Variants in MARCHF11 observed in about 807,000 individuals in gnomAD.
MARCHF11 encodes the protein E3 ubiquitin-protein ligase MARCHF11.
In MARCHF11, 29 loss-of-function variants were observed where a neutral mutation model predicts 37.3. The observed-to-expected ratio is 0.78, with a 90% confidence interval of 0.58 to 1.06. The LOEUF is 1.06. Ranked by LOEUF, MARCHF11 falls within the 50% of genes least tolerant of loss-of-function variation. The pLI, the probability that MARCHF11 is intolerant of heterozygous loss-of-function variation, is 0.00. For missense variants in MARCHF11, 482 were observed against 533.4 expected, an observed-to-expected ratio of 0.90 and a Z score of 0.95; for synonymous variants, 233 against 228.0, an observed-to-expected ratio of 1.02 and a Z score of -0.20.
intron 2 of MARCHF11, among the ~76,000 whole-genome samples, chr5:16,161,718 G>C (rs577563757): frequency 6.6e-6 from 1 of 151,842 alleles, no homozygotes; most frequent in Non-Finnish European, 1.5e-5. Flanking sequence ...GTAGCTCCAG[G>C]AGCAACATAA....
chr5:16,083,849 C>T (rs1290370477), intron 3 of MARCHF11, among the ~76,000 whole-genome samples: 1 of 152,162 alleles, frequency 6.6e-6, no homozygotes, highest in Non-Finnish European at 1.5e-5. Flanking sequence ...AGAAAGCAAA[C>T]TACAAGGAGG....
intron 2 of MARCHF11, among the ~76,000 whole-genome samples, chr5:16,119,065 A>G (rs1158054701): frequency 6.6e-6 from 1 of 152,168 alleles, no homozygotes. Context: ...GAGACACTTA[A>G]GAGTCAAGGA....
At chr5:16,128,441 GAGC>G (rs1737456617) in intron 2 of MARCHF11, among the ~76,000 whole-genome samples, 1 of 152,094 alleles carries the variant, frequency 6.6e-6, no homozygotes, top group African/African-American at 2.4e-5. Context: ...AGTTGCTGAG[GAGC>G]TATCAACTGC....
chr5:16,080,574 C>T (rs1736591212), intron 3 of MARCHF11, among the ~76,000 whole-genome samples: 1 of 152,132 alleles, frequency 6.6e-6, no homozygotes, highest in East Asian at 1.9e-4. Context: ...CCTTTCTCTC[C>T]CTTAGCCCTC....
rs1433766447 is a variant in MARCHF11 at position 16,179,596 on chromosome 5, C to A, written c.-21G>T. 20 of 1,173,516 alleles carry A rather than the reference C, an allele frequency of 1.7e-5. No homozygotes were observed. The Middle Eastern group carries it at 2.1e-3, about 121-fold the overall frequency. 72.7% of individuals were successfully genotyped at this position (1,173,516 alleles called of 1,614,324 possible). ...CTCATGGTTGTGCCGCCGCCGCCCT[C>A]CTGCCGGCCCGGCTGGCGGGCCGGG... is the stretch of plus-strand genomic sequence containing the variant. On this transcript the variant is annotated 5_prime_UTR_variant, in exon 1 of 4. Transcript: ENST00000332432.
chr5:16,084,370 C>T (rs933815963), intron 3 of MARCHF11, among the ~76,000 whole-genome samples: 2 of 152,148 alleles, frequency 1.3e-5, no homozygotes, highest in East Asian at 3.9e-4. Context: ...AGGCCAGGTG[C>T]GATGGCTCAT....
chr5:16,078,805 C>A (rs1244844987), intron 3 of MARCHF11, among the ~76,000 whole-genome samples: 1 of 152,106 alleles, frequency 6.6e-6, no homozygotes, highest in Non-Finnish European at 1.5e-5. Context: ...CCAAGGAAAG[C>A]CTCCCATTCC....
At position 16,179,532 on chromosome 5, in the gene MARCHF11, G is replaced by A; in HGVS notation, c.44C>T (p.Ala15Val). 1 of 1,180,084 alleles carries A rather than the reference G, an allele frequency of 8.5e-7. No individual in the cohort carries two copies. The highest frequency in any genetic ancestry group is 1.0e-6 in the Non-Finnish European group (1 of 955,108). 73.1% of individuals were successfully genotyped at this position (1,180,084 alleles called of 1,614,324 possible). A position where few individuals can be genotyped will look rare whatever the true frequency, so the allele number is the denominator to read the frequency against. Residue 15 changes from alanine to valine, a missense_variant, in exon 1 of 4, where the codon GCG (alanine) becomes GTG (valine). Coordinates refer to ENST00000332432, the MANE Select transcript of MARCHF11 (RefSeq NM_001102562.3). ...GGGAGGCTCGGCGTCCCCGCTCTCC[G>A]CCCCGCGACACCGACTGCCGCCGTG... ...GGHGGSRCRG[A>V]ESGDAEPPPQ... is the part of the protein sequence containing the mutation.
intron 3 of MARCHF11, among the ~76,000 whole-genome samples, chr5:16,071,625 C>T (rs1736438599): frequency 6.6e-6 from 1 of 152,200 alleles, no homozygotes. Context: ...CACATGCTCA[C>T]ATACTCGTGC....
intron 3 of MARCHF11, among the ~76,000 whole-genome samples, chr5:16,077,761 A>G (rs1283266675): frequency 2.6e-5 from 4 of 152,206 alleles, no homozygotes; most frequent in Non-Finnish European, 4.4e-5. Flanking sequence ...GTGATTCTTT[A>G]CATAGATAAT....
chr5:16,078,325 A>C (rs1560967901), intron 3 of MARCHF11, among the ~76,000 whole-genome samples: 1 of 152,180 alleles, frequency 6.6e-6, no homozygotes, highest in Admixed American at 6.5e-5. Flanking sequence ...ATTAAGTGGG[A>C]AAATCGAGGT....
chr5:16,135,027 CAT>C (rs1354028958), intron 2 of MARCHF11, among the ~76,000 whole-genome samples: 13 of 151,750 alleles, frequency 8.6e-5, no homozygotes, highest in Admixed American at 2.0e-4. Context: ...CACACACACA[CAT>C]GCAAACACGC....
chr5:16,086,860 A>AT (rs1736706243), intron 3 of MARCHF11, among the ~76,000 whole-genome samples: 1 of 152,136 alleles, frequency 6.6e-6, no homozygotes, highest in Non-Finnish European at 1.5e-5. Context: ...ATGGTCTTCT[A>AT]TTTTTTCTCA....
chr5:16,151,649 ATGTGTGTGTG>A lies in MARCHF11; in HGVS notation c.693+26067_693+26076del, dbSNP rs58891017. 3.2e-3 allele frequency among the ~76,000 whole-genome samples: 426 copies of A among 131,486 alleles called. 4 individuals are homozygous for A. The highest frequency in any genetic ancestry group is 0.01 in the African/African-American group (363 of 34,732). 86.3% of individuals were successfully genotyped at this position (131,486 alleles called of 152,430 possible). A position where few individuals can be genotyped will look rare whatever the true frequency, so the allele number is the denominator to read the frequency against. On this transcript the variant is annotated intron_variant, in intron 2 of 3. Coordinates refer to ENST00000332432, the MANE Select transcript of MARCHF11 (RefSeq NM_001102562.3). Reference sequence around the variant, plus strand: ...GTGTGTGTGTGCATGCGTGAGTTGAATGTGTGTGTGTGTGTGTGTGTGTGTGTGTGTGTGT... The same window carrying A: ...GTGTGTGTGTGCATGCGTGAGTTGAATGTGTGTGTGTGTGTGTGTGTGTGT...
At chr5:16,086,950 G>A (rs181096437) in intron 3 of MARCHF11, among the ~76,000 whole-genome samples, 6 of 152,272 alleles carry the variant, frequency 3.9e-5, no homozygotes, top group African/African-American at 1.2e-4. Context: ...TTCTGAGTTT[G>A]CTCATCTTCC....
intron 2 of MARCHF11, among the ~76,000 whole-genome samples, chr5:16,153,547 T>C (rs1408781939): frequency 6.6e-6 from 1 of 152,004 alleles, no homozygotes; most frequent in Non-Finnish European, 1.5e-5. Context: ...GGAATTCTAA[T>C]TATTTTAACA....
rs977374844 is a variant in MARCHF11 at position 16,179,123 on chromosome 5, G to A, written c.453C>T (p.Ser151=). 8.1e-6 allele frequency: 12 copies of A among 1,485,712 alleles called. No individual in the cohort carries two copies. In the Admixed American group the frequency reaches 2.7e-4, roughly 33 times the overall value. 92.0% of individuals were successfully genotyped at this position (1,485,712 alleles called of 1,614,324 possible). A position where few individuals can be genotyped will look rare whatever the true frequency, so the allele number is the denominator to read the frequency against. The part of the protein sequence containing the change: ...TRSVCSSRSS[S]SGGGDQRAGH... ...CAGCGCGCTGGTCGCCGCCGCCACT[G>A]CTGCTGCTGCGGCTGCTGCACACCG... The change falls in exon 1 of 4, where the codon AGC becomes AGT. Residue 151 remains serine, a synonymous_variant. Coordinates refer to ENST00000332432, the MANE Select transcript of MARCHF11 (RefSeq NM_001102562.3).
chr5:16,113,275 G>A (rs552842108), intron 2 of MARCHF11, among the ~76,000 whole-genome samples: 1 of 152,164 alleles, frequency 6.6e-6, no homozygotes, highest in Non-Finnish European at 1.5e-5. Flanking sequence ...CAGCATTGGA[G>A]AGTAGAGGAT....
chr5:16,076,542 C>G (rs1736521288), intron 3 of MARCHF11, among the ~76,000 whole-genome samples: 2 of 152,176 alleles, frequency 1.3e-5, no homozygotes, highest in African/African-American at 2.4e-5. Flanking sequence ...TTCTGTCTCT[C>G]AATTCTTGGA....
Sources: gnomAD v4.1 joint callset for allele counts (sites outside exome capture counted in the v4.1 genomes callset) on GRCh38, gnomAD v4.1.1 for gene constraint, MANE v1.5 for transcripts, NCBI Gene and HGNC (gene_info 2026-07-23, HGNC 2026-07-21) for gene names.